The following HAUS3 variants were observed in gnomAD, a reference collection of about 807,000 sequenced individuals.
HAUS3 encodes the protein HAUS augmin like complex subunit 3, also known as HAUS augmin-like complex subunit 3.
HAUS3 carries 36 observed loss-of-function variants against 55.2 expected under a neutral mutation model. The observed-to-expected ratio is 0.65, with a 90% confidence interval of 0.50 to 0.86. HAUS3 has a LOEUF of 0.86. HAUS3 is among the 40% of genes least tolerant of loss of function. The probability of loss-of-function intolerance (pLI) is 0.00; values close to 1 mark genes in which losing one functional copy is unlikely to be tolerated. For synonymous variants in HAUS3, 234 were observed against 238.6 expected (o/e 0.98, Z 0.18); for missense variants, 752 against 671.5 (o/e 1.12, Z -1.33).
At chr4:2,238,467 A>T (rs1199391063) in intron 4 of HAUS3, 137 bp downstream of exon 4, 1 of 537,800 alleles carries the variant, frequency 1.9e-6, no homozygotes, top group Non-Finnish European at 3.2e-6. Context: ...GCATATGAAA[A>T]TGGAAAAAAA....
chr4:2,238,754 T>A lies in HAUS3; in HGVS notation c.1199A>T (p.Asp400Val), dbSNP rs1273676616. 1 of 1,613,826 alleles carries A rather than the reference T, an allele frequency of 6.2e-7. No homozygotes were observed. Among genetic ancestry groups the A allele is most frequent in the South Asian group, 1.1e-5 (1 of 91,072 alleles). The change falls in exon 4 of 6, where the codon GAC becomes GTC. Residue 400 changes from aspartate (D) to valine (V), a missense_variant. Transcript: ENST00000443786. ...CAAATTTTCAAGTTGACGATATATG[T>A]CCCGATGCTTTCTTAATTCAATTTC... ...SYEIELRKHR[D>V]IYRQLENLVQ...
chr4:2,239,817 G>A (rs1577803491), intron 3 of HAUS3, among the ~76,000 whole-genome samples: 1 of 152,186 alleles, frequency 6.6e-6, no homozygotes, highest in African/African-American at 2.4e-5. Context: ...AAATAAATTA[G>A]ATAATGTGGT....
In HAUS3 at chr4:2,241,599, G is replaced by C; in HGVS notation, c.-227C>G. ...AGAACAGCAGGAGCAGCAGGGAAGC[G>C]CGCGGCCACAATTAAGGGTGCTTCG... On this transcript the variant is annotated 5_prime_UTR_variant, in exon 2 of 6. Transcript: ENST00000443786. 2 of 985,614 alleles carry C rather than the reference G, an allele frequency of 2.0e-6. No homozygotes were observed. The highest frequency in any genetic ancestry group is 2.4e-6 in the Non-Finnish European group (2 of 830,086). 61.1% of individuals were successfully genotyped at this position (985,614 alleles called of 1,614,324 possible).
chr4:2,232,618 T>A (rs1366473875), intron 5 of HAUS3, among the ~76,000 whole-genome samples: 2 of 152,156 alleles, frequency 1.3e-5, no homozygotes, highest in Non-Finnish European at 2.9e-5. Context: ...GAGAATTAGC[T>A]CAACACAAAT....
Position 2,231,605 on chromosome 4 carries a change from A to C in HAUS3, c.*322T>G, listed in dbSNP as rs957595952. ...AGAGTGAGACTCTATCTCAAAAAAA[A>C]ATTTAACGGCAGAAAATTTCTATTT... is the stretch of plus-strand genomic sequence containing the variant. On this transcript the variant is annotated 3_prime_UTR_variant, in exon 6 of 6. Coordinates refer to ENST00000443786, the MANE Select transcript of HAUS3 (RefSeq NM_001303143.2). 5 of 173,744 alleles carry C rather than the reference A, an allele frequency of 2.9e-5. No individual in the cohort carries two copies. Among genetic ancestry groups the C allele is most frequent in the Non-Finnish European group, 4.8e-5 (4 of 83,216 alleles). The allele number at this position is 173,744 out of a possible 1,614,324, so 10.8% of individuals were successfully genotyped here.
At chr4:2,233,791 G>C (rs1734663413) in intron 5 of HAUS3, among the ~76,000 whole-genome samples, 1 of 152,122 alleles carries the variant, frequency 6.6e-6, no homozygotes, top group Admixed American at 6.5e-5. Context: ...GTTTAACTAA[G>C]AGTTTTTCTT....
At chr4:2,232,992 C>T (rs1190375719) in intron 5 of HAUS3, among the ~76,000 whole-genome samples, 2 of 152,144 alleles carry the variant, frequency 1.3e-5, no homozygotes, top group Non-Finnish European at 2.9e-5. Flanking sequence ...CCCCACTAGA[C>T]TAAATTACTT....
Position 2,241,060 on chromosome 4 carries a change from G to T in HAUS3, c.-114C>A. On this transcript the variant is annotated 5_prime_UTR_variant, in exon 3 of 6. Coordinates refer to ENST00000443786, the MANE Select transcript of HAUS3 (RefSeq NM_001303143.2). ...TTTTATACCAAGTCCACAGAGAAGG[G>T]AAAATATATTTTTAGAATCTATAAT... 1.3e-6 allele frequency: 1 copy of T among 749,594 alleles called. No individual in the cohort carries two copies. The highest frequency in any genetic ancestry group is 2.2e-6 in the Non-Finnish European group (1 of 462,502). The allele number at this position is 749,594 out of a possible 1,614,324, so 46.4% of individuals were successfully genotyped here. A position where few individuals can be genotyped will look rare whatever the true frequency, so the allele number is the denominator to read the frequency against.
At chr4:2,239,113 A>G in intron 3 of HAUS3, 70 bp from the exon 4 acceptor site, 1 of 801,448 alleles carries the variant, frequency 1.2e-6, no homozygotes, top group Non-Finnish European at 1.9e-6. Flanking sequence ...GATTATTTTC[A>G]CTTTCCACTT....
At chr4:2,241,233 A>ATG in intron 2 of HAUS3, 140 bp from the exon 3 acceptor site, 1 of 329,722 alleles carries the variant, frequency 3.0e-6, no homozygotes, top group Non-Finnish European at 5.4e-6. Context: ...ATGATGATAA[A>ATG]GAGAAACAGA....
rs1328179452 is a variant in HAUS3, at chr4:2,241,067, T to C, written c.-121A>G. On this transcript the variant is annotated 5_prime_UTR_variant, in exon 3 of 6. In the 5' UTR this introduces an upstream ATG that the reference lacks. Coordinates refer to ENST00000443786, the MANE Select transcript of HAUS3 (RefSeq NM_001303143.2). The stretch of plus-strand genomic sequence containing the variant: ...CCAAGTCCACAGAGAAGGGAAAATA[T>C]ATTTTTAGAATCTATAATGATTCCT... 1 of 716,330 alleles carries C rather than the reference T, an allele frequency of 1.4e-6. No homozygotes were observed. Among genetic ancestry groups the C allele is most frequent in the South Asian group, 1.9e-5 (1 of 53,258 alleles). The allele number at this position is 716,330 out of a possible 1,614,324, so 44.4% of individuals were successfully genotyped here.
chr4:2,240,105 G>C lies in HAUS3; in HGVS notation c.842C>G (p.Ala281Gly). ...CAQHQLIHLK[A>G]SNSSMKSSIK... Reference sequence around the variant, plus strand: ...ACTTGACTTCATGCTCGAATTACTTGCTTTTAAGTGAATTAACTGATGTTG... The same window carrying C: ...ACTTGACTTCATGCTCGAATTACTTCCTTTTAAGTGAATTAACTGATGTTG... Residue 281 changes from alanine (A) to glycine (G), a missense_variant, in exon 3 of 6, where the codon GCA becomes GGA. Transcript: ENST00000443786. 1.7e-5 allele frequency: 27 copies of C among 1,613,902 alleles called. No individual in the cohort carries two copies. Among genetic ancestry groups the C allele is most frequent in the Non-Finnish European group, 2.2e-5 (26 of 1,179,878 alleles).
Position 2,241,681 on chromosome 4 carries a change from GA to G in HAUS3, c.-310del. On this transcript the variant is annotated 5_prime_UTR_variant, in exon 2 of 6. Transcript: ENST00000443786. ...CGACGCCAGGGCCGCGCGAACCCCA[GA>G]GGCAGCGGCAAGCCCCAGGGATCCG... 2 of 985,508 alleles carry G rather than the reference GA, an allele frequency of 2.0e-6. No homozygotes were observed. The highest frequency in any genetic ancestry group is 2.4e-6 in the Non-Finnish European group (2 of 829,956). The allele number at this position is 985,508 out of a possible 1,614,324, so 61.0% of individuals were successfully genotyped here.
rs1734863037 is a variant in HAUS3, at chr4:2,238,845, G to A, written c.1108C>T (p.Gln370Ter). 4 of 1,613,132 alleles carry A rather than the reference G, an allele frequency of 2.5e-6. No individual in the cohort carries two copies. The African/African-American group carries it at 5.3e-5, about 22-fold the overall frequency. ...ATTAATTGATTTAAAACTAACTCTT[G>A]TCTTGCTGTATAATAATCTTGTTTA... ...IAKQDYYTAR[Q>*]ELVLNQLIKQ... The change falls in exon 4 of 6, where the codon CAA becomes TAA. Residue 370 changes from glutamine (Q) to a stop codon, truncating the protein, a stop_gained. Coordinates refer to ENST00000443786, the MANE Select transcript of HAUS3 (RefSeq NM_001303143.2). LOFTEE classifies it high-confidence loss of function.
At chr4:2,236,191 T>A in intron 5 of HAUS3, 37 bp downstream of exon 5, 1 of 1,311,196 alleles carries the variant, frequency 7.6e-7, no homozygotes, top group East Asian at 2.3e-5. Context: ...AAGCATTTTT[T>A]TAAAAAGCAT....
At chr4:2,234,228 G>C (rs543490885) in intron 5 of HAUS3, 4 of 152,294 alleles carry the variant, frequency 2.6e-5, no homozygotes, top group African/African-American at 9.6e-5. Context: ...GGTCTTTGCT[G>C]AGGGTCTTTA....
rs1247045948 is a variant in HAUS3, at chr4:2,230,473, C to A, written c.*1454G>T. The A allele has an allele frequency of 2.7e-5, 4 of 150,598 alleles. No individual in the cohort carries two copies. Among genetic ancestry groups the A allele is most frequent in the African/African-American group, 7.3e-5 (3 of 41,038 alleles). 9.3% of individuals were successfully genotyped at this position (150,598 alleles called of 1,614,324 possible). A position where few individuals can be genotyped will look rare whatever the true frequency, so the allele number is the denominator to read the frequency against. ...ATAGAATAGAAAAAAACATATACAA[C>A]AAAAAAAAAGTTGCTCAGGTGATAG... On this transcript the variant is annotated 3_prime_UTR_variant, in exon 6 of 6. Coordinates refer to ENST00000443786, the MANE Select transcript of HAUS3 (RefSeq NM_001303143.2).
At position 2,231,414 on chromosome 4, in the gene HAUS3, A is replaced by T. The variant is rs1734574589; in HGVS notation, c.*513T>A. On this transcript the variant is annotated 3_prime_UTR_variant, in exon 6 of 6. Transcript: ENST00000443786. ...AGAGATTGAGACCATCCTGGCCAAC[A>T]TGGTGAAACCCCTTTTCTACTAAAA... 6.5e-6 allele frequency: 1 copy of T among 152,822 alleles called. No homozygotes were observed. Among genetic ancestry groups the T allele is most frequent in the Non-Finnish European group, 1.5e-5 (1 of 68,538 alleles). 9.5% of individuals were successfully genotyped at this position (152,822 alleles called of 1,614,324 possible).
rs1560106943 is a variant in HAUS3, at chr4:2,240,441, A to C, written c.506T>G (p.Leu169Arg). ...ITKISNELQALTDEVTQLMMF... is the reference protein window; with the variant it reads ...ITKISNELQARTDEVTQLMMF... Reference sequence around the variant, plus strand: ...CATCAATTGTGTAACTTCATCAGTAAGAGCCTGAAGTTCATTACTGATCTT... The same window carrying C: ...CATCAATTGTGTAACTTCATCAGTACGAGCCTGAAGTTCATTACTGATCTT... Residue 169 changes from leucine to arginine, a missense_variant, in exon 3 of 6, where the codon CTT becomes CGT. Transcript: ENST00000443786. 2 of 1,613,970 alleles carry C rather than the reference A, an allele frequency of 1.2e-6. No individual in the cohort carries two copies. Among genetic ancestry groups the C allele is most frequent in the Non-Finnish European group, 1.7e-6 (2 of 1,179,952 alleles).
Sources: allele counts gnomAD v4.1 joint callset (sites outside exome capture counted in the v4.1 genomes callset), GRCh38; gene constraint gnomAD v4.1.1; transcripts MANE v1.5; gene names NCBI Gene and HGNC (gene_info 2026-07-23, HGNC 2026-07-21).